PARVA: variants seen among roughly 807,000 people sequenced by gnomAD.
PARVA encodes alpha-parvin.
A neutral mutation model predicts 52.6 loss-of-function variants in PARVA; 25 were observed. The ratio of observed to expected loss-of-function variants is 0.48; its 90% CI spans 0.35 to 0.66. The LOEUF (loss-of-function observed/expected upper bound fraction) is 0.66. PARVA is among the 30% of genes least tolerant of loss of function. The probability of loss-of-function intolerance (pLI) is 0.01; values close to 1 mark genes in which losing one functional copy is unlikely to be tolerated. For synonymous variants in PARVA, 185 were observed against 179.1 expected, an observed-to-expected ratio of 1.03 and a Z score of -0.26; for missense variants, 373 against 450.9, an observed-to-expected ratio of 0.83 and a Z score of 1.56.
At position 12,517,724 on chromosome 11, in the gene PARVA, G is replaced by A; in HGVS notation, c.969+13G>A. On this transcript the variant is annotated intron_variant, in intron 11 of 12. Coordinates refer to ENST00000334956, the MANE Select transcript of PARVA (RefSeq NM_018222.5). ...CTTTGAACAGAAGGTAAGGAGAAGGGACATCAAGGGAGGCCCCCTAGCCCA... is the reference window on the plus strand; with the variant it reads ...CTTTGAACAGAAGGTAAGGAGAAGGAACATCAAGGGAGGCCCCCTAGCCCA... 6.4e-7 allele frequency: 1 copy of A among 1,553,642 alleles called. No individual in the cohort carries two copies. The highest frequency in any genetic ancestry group is 8.8e-7 in the Non-Finnish European group (1 of 1,138,386).
intron 1 of PARVA, among the ~76,000 whole-genome samples, chr11:12,449,284 G>A (rs1940591941): frequency 6.6e-6 from 1 of 151,950 alleles, no homozygotes; most frequent in African/African-American, 2.4e-5. Flanking sequence ...CTCCCTCCAC[G>A]GTAGCTGGGA....
intron 1 of PARVA, among the ~76,000 whole-genome samples, chr11:12,406,383 G>A (rs72859099): frequency 0.083 from 12,596 of 152,220 alleles, 605 homozygotes; most frequent in African/African-American, 0.14. Context: ...ACCCACATCT[G>A]CAAAATACCT....
At chr11:12,517,116 C>T (rs2135082189) in intron 10 of PARVA, among the ~76,000 whole-genome samples, 1 of 152,244 alleles carries the variant, frequency 6.6e-6, no homozygotes, top group South Asian at 2.1e-4. Flanking sequence ...CAATCCTGCT[C>T]ATCCTCAGCT....
intron 10 of PARVA, among the ~76,000 whole-genome samples, chr11:12,515,631 G>A (rs894560832): frequency 6.6e-6 from 1 of 152,150 alleles, no homozygotes; most frequent in Non-Finnish European, 1.5e-5. Flanking sequence ...CCTAACCCAA[G>A]GTCACCCCTG....
intron 1 of PARVA, among the ~76,000 whole-genome samples, chr11:12,414,689 A>G (rs2134978121): frequency 6.6e-6 from 1 of 151,994 alleles, no homozygotes; most frequent in South Asian, 2.1e-4. Flanking sequence ...AATATATTCA[A>G]ACGAGTCCTT....
intron 1 of PARVA, among the ~76,000 whole-genome samples, 173 bp from the exon 2 acceptor site, chr11:12,473,569 CAAT>C (rs1405250285): frequency 2.0e-5 from 3 of 152,090 alleles, no homozygotes; most frequent in Non-Finnish European, 4.4e-5. Context: ...ATTAAGGGGA[CAAT>C]TAGGTCCTTT....
rs1564865018 is a variant in PARVA, at chr11:12,504,792, T to TGTGTGTGTGTGTGA, written c.657+364_657+365insTGTGTGTGTGTGAG. 4.9e-3 allele frequency among the ~76,000 whole-genome samples: 738 copies of TGTGTGTGTGTGTGA among 151,692 alleles called. 7 individuals are homozygous for TGTGTGTGTGTGTGA. The highest frequency in any genetic ancestry group is 0.02 in the Middle Eastern group (6 of 294). ...GTATGTGGGTGTGTGTGTGTGTGTG[T>TGTGTGTGTGTGTGA]GAGTTTGTGTACAGGAGTGTACAGG... On this transcript the variant is annotated intron_variant, in intron 6 of 12. Transcript: ENST00000334956.
chr11:12,442,224 C>T (rs556003215), intron 1 of PARVA, among the ~76,000 whole-genome samples: 51 of 152,314 alleles, frequency 3.3e-4, no homozygotes, highest in Non-Finnish European at 5.3e-4. Flanking sequence ...GGGCAGTGCC[C>T]GATGCTGCTG....
intron 1 of PARVA, among the ~76,000 whole-genome samples, chr11:12,460,917 G>A (rs985191232): frequency 2.6e-5 from 4 of 152,116 alleles, no homozygotes; most frequent in South Asian, 2.1e-4. Context: ...GCTCCAAAAC[G>A]CTCATCTATT....
intron 1 of PARVA, among the ~76,000 whole-genome samples, chr11:12,460,470 A>G (rs1305154986): frequency 6.6e-6 from 1 of 152,080 alleles, no homozygotes; most frequent in Admixed American, 6.5e-5. Flanking sequence ...GATACAAGGG[A>G]CATACAATGT....
chr11:12,530,659 T>C lies in PARVA; in HGVS notation c.*2734T>C, dbSNP rs1057421669. ...GGCATGTAAAGCACAAACATACATA[T>C]AAAATCTGCGGGCTTCAAAAAATAT... is the stretch of plus-strand genomic sequence containing the variant. On this transcript the variant is annotated 3_prime_UTR_variant, in exon 13 of 13. Transcript: ENST00000334956. 1.3e-5 allele frequency: 2 copies of C among 152,168 alleles called. No individual in the cohort carries two copies. The highest frequency in any genetic ancestry group is 4.8e-5 in the African/African-American group (2 of 41,448). The allele number at this position is 152,168 out of a possible 1,614,324, so 9.4% of individuals were successfully genotyped here.
chr11:12,441,435 A>C (rs960204370), intron 1 of PARVA, among the ~76,000 whole-genome samples: 4 of 152,072 alleles, frequency 2.6e-5, no homozygotes, highest in African/African-American at 7.2e-5. Context: ...TTAATTGACC[A>C]AGAGAAGACC....
intron 1 of PARVA, among the ~76,000 whole-genome samples, chr11:12,405,139 G>A (rs898367859): frequency 7.9e-5 from 12 of 151,826 alleles, no homozygotes; most frequent in African/African-American, 2.9e-4. Flanking sequence ...TTTCCTTCTG[G>A]GCAAGAAAAA....
At chr11:12,444,605 C>A (rs1940520344) in intron 1 of PARVA, among the ~76,000 whole-genome samples, 3 of 152,030 alleles carry the variant, frequency 2.0e-5, no homozygotes, top group Admixed American at 2.0e-4. Context: ...TCACCTCACC[C>A]AGCTATTTTT....
At chr11:12,523,314 T>TAGTG (rs1454848866) in intron 12 of PARVA, among the ~76,000 whole-genome samples, 2 of 152,088 alleles carry the variant, frequency 1.3e-5, no homozygotes, top group African/African-American at 2.4e-5. Flanking sequence ...AGTAACCACC[T>TAGTG]AGTGGCCACC....
chr11:12,404,182 C>T (rs1939869763), intron 1 of PARVA, among the ~76,000 whole-genome samples: 1 of 151,244 alleles, frequency 6.6e-6, no homozygotes, highest in African/African-American at 2.4e-5. Flanking sequence ...TATGTGTAGT[C>T]TATTTATTCA....
At position 12,457,799 on chromosome 11, in the gene PARVA, T is replaced by TATGCGCACAG. The variant is rs1554897408; in HGVS notation, c.137-15942_137-15941insGCACAGATGC. On this transcript the variant is annotated intron_variant, in intron 1 of 12. Transcript: ENST00000334956. ...GGGGGGAGACAGGTTGTCCTTCAGA[T>TATGCGCACAG]ATGCACAATTGCAAACTGTGGTGAG... Among the ~76,000 whole-genome samples the TATGCGCACAG allele has an allele frequency of 5.3e-5, 8 of 152,094 alleles. No individual in the cohort carries two copies. In the East Asian group the frequency reaches 1.5e-3, roughly 29 times the overall value.
chr11:12,518,543 G>A (rs771895626), intron 12 of PARVA, 26 bp downstream of exon 12: 2 of 1,557,016 alleles, frequency 1.3e-6, no homozygotes, highest in South Asian at 2.3e-5. Context: ...CTGGGTTTGT[G>A]ACAACAGAGT....
At chr11:12,386,984 T>C (rs78037187) in intron 1 of PARVA, among the ~76,000 whole-genome samples, 226 of 152,344 alleles carry the variant, frequency 1.5e-3, no homozygotes, top group Non-Finnish European at 2.8e-3. Context: ...TCAGCCTTCT[T>C]GTCTCATGGA....
Sources: allele counts gnomAD v4.1 joint callset (sites outside exome capture counted in the v4.1 genomes callset), GRCh38; gene constraint gnomAD v4.1.1; transcripts MANE v1.5; gene names NCBI Gene and HGNC (gene_info 2026-07-23, HGNC 2026-07-21).